ZNF581: variants seen among roughly 807,000 people sequenced by gnomAD.
The protein encoded by ZNF581 is zinc finger protein 581.
ZNF581 carries 1 observed loss-of-function variant against 1.2 expected under a neutral mutation model. The observed-to-expected ratio is 0.83, with a 90% CI of 0.30 to 3.95. The LOEUF (loss-of-function observed/expected upper bound fraction) is 3.95. Among genes scored for constraint, ZNF581 ranks in the 30% most tolerant of loss-of-function variants. The pLI is 0.18. For missense variants in ZNF581, 273 were observed against 274.6 expected (o/e 0.99, Z 0.04); for synonymous variants, 105 against 109.2 (o/e 0.96, Z 0.24).
upstream of ZNF581, chr19:55,643,183 T>TGC: frequency 8.4e-7 from 1 of 1,190,744 alleles, no homozygotes; most frequent in Non-Finnish European, 1.1e-6. Flanking sequence ...AGGAGCATCA[T>TGC]TCCTTCCTTA....
chr19:55,641,228 G>A, upstream of ZNF581: 1 of 971,906 alleles, frequency 1.0e-6, no homozygotes, highest in Non-Finnish European at 1.2e-6. Context: ...CTGGGACGAC[G>A]CCGGGGCCAG....
At chr19:55,641,326 C>G (rs930453285), upstream of ZNF581, 1 of 526,754 alleles carries the variant, frequency 1.9e-6, no homozygotes, top group Non-Finnish European at 2.4e-6. Context: ...GAGGGGAAGT[C>G]GAGGCGCCAG....
chr19:55,644,637 C>T lies in ZNF581; in HGVS notation c.66C>T (p.Gly22=). The T allele has an allele frequency of 1.9e-6, 3 of 1,610,106 alleles. No homozygotes were observed. Among genetic ancestry groups the T allele is most frequent in the Middle Eastern group, 1.7e-4 (1 of 6,056 alleles). ...LAFSSVETME[G]PPRRTCRSPE... The stretch of plus-strand genomic sequence containing the variant: ...TTTCCTCCGTTGAGACCATGGAGGG[C>T]CCTCCCCGTCGGACTTGCCGCTCCC... Residue 22 remains glycine (G), a synonymous_variant, in exon 2 of 2, where the codon GGC becomes GGT. Transcript: ENST00000270451. The surrounding 1 kb of genome is among the most constrained non-coding windows in gnomAD (Gnocchi z 4.3).
chr19:55,642,713 C>G, upstream of ZNF581: 1 of 1,499,152 alleles, frequency 6.7e-7, no homozygotes, highest in Non-Finnish European at 8.9e-7. Context: ...CACGGTGCAG[C>G]TGGAGGAGGA....
At chr19:55,635,988 T>G (rs928131502) in intron 1 of ZNF581, among the ~76,000 whole-genome samples, 12 of 152,048 alleles carry the variant, frequency 7.9e-5, no homozygotes, top group Middle Eastern at 3.2e-3. Context: ...AAATTCAAGG[T>G]CTGGCCAGGG....
At chr19:55,640,464 C>T, upstream of ZNF581, 1 of 985,488 alleles carries the variant, frequency 1.0e-6, no homozygotes, top group Non-Finnish European at 1.2e-6. Flanking sequence ...CACACCTCCC[C>T]ACCTGCGCAT....
At chr19:55,641,046 C>G, upstream of ZNF581, 1 of 985,154 alleles carries the variant, frequency 1.0e-6, no homozygotes, top group Non-Finnish European at 1.2e-6. Flanking sequence ...CCCCGCGCCC[C>G]CAGTCCCCGC....
upstream of ZNF581, among the ~76,000 whole-genome samples, chr19:55,637,932 G>A (rs889342719): frequency 6.6e-6 from 1 of 152,164 alleles, no homozygotes; most frequent in African/African-American, 2.4e-5. Context: ...ATTATTTCTG[G>A]GGATAGCAGT....
At chr19:55,641,903 G>A (rs751624433), upstream of ZNF581, 41 of 288,726 alleles carry the variant, frequency 1.4e-4, no homozygotes, top group Admixed American at 3.3e-4. Context: ...AATTGGGTTA[G>A]TGGGGCTCTG....
In ZNF581 at chr19:55,644,504, G is replaced by T; in HGVS notation, c.-19-49G>T. ...GGAAAAGGATGGAGCCTGTGGTGCT[G>T]AGCTGCCCTCTTCTATATAACCTTC... On this transcript the variant is annotated intron_variant, in intron 1 of 1. Coordinates refer to ENST00000270451, the MANE Select transcript of ZNF581 (RefSeq NM_016535.4). The surrounding 1 kb of genome is among the most constrained non-coding windows in gnomAD (Gnocchi z 4.3). 8.1e-7 allele frequency: 1 copy of T among 1,230,546 alleles called. No homozygotes were observed. Among genetic ancestry groups the T allele is most frequent in the Non-Finnish European group, 1.1e-6 (1 of 896,084 alleles). The allele number at this position is 1,230,546 out of a possible 1,614,324, so 76.2% of individuals were successfully genotyped here.
upstream of ZNF581, chr19:55,635,220 G>C (rs552960541): frequency 1.3e-5 from 2 of 152,496 alleles, no homozygotes; most frequent in Non-Finnish European, 2.9e-5. Flanking sequence ...GTGACCAGGG[G>C]ACGAGGTATA....
upstream of ZNF581, chr19:55,642,511 G>A (rs1183973341): frequency 7.0e-7 from 1 of 1,427,298 alleles, no homozygotes; most frequent in Non-Finnish European, 9.2e-7. Flanking sequence ...CGCTCCAGAT[G>A]CTGCTGCTGC....
At chr19:55,640,770 G>C, upstream of ZNF581, 1 of 985,504 alleles carries the variant, frequency 1.0e-6, no homozygotes, top group Non-Finnish European at 1.2e-6. Context: ...GTGGGCCTTA[G>C]GGCGAAGACG....
chr19:55,642,628 C>G (rs1417285202), upstream of ZNF581: 9 of 1,449,058 alleles, frequency 6.2e-6, no homozygotes, highest in African/African-American at 1.0e-4. Flanking sequence ...CCACTCCTTC[C>G]TCGGCGGCGG....
upstream of ZNF581, chr19:55,641,235 C>T (rs1444938058): frequency 5.1e-6 from 5 of 972,820 alleles, no homozygotes; most frequent in East Asian, 3.4e-4. Context: ...GACGCCGGGG[C>T]CAGGCAGGCT....
chr19:55,637,400 GGT>G (rs1407818504), upstream of ZNF581, among the ~76,000 whole-genome samples: 3 of 152,146 alleles, frequency 2.0e-5, no homozygotes, highest in Non-Finnish European at 2.9e-5. Flanking sequence ...AGCCGGCCAT[GGT>G]GGTGCGCGCC....
upstream of ZNF581, among the ~76,000 whole-genome samples, chr19:55,638,712 G>C (rs916914113): frequency 6.6e-6 from 1 of 152,208 alleles, no homozygotes; most frequent in East Asian, 1.9e-4. Context: ...GAGGAGGCCA[G>C]GTGTGGTGGC....
upstream of ZNF581, chr19:55,640,085 C>A (rs912208649): frequency 2.0e-6 from 2 of 977,576 alleles, no homozygotes; most frequent in African/African-American, 3.5e-5. Flanking sequence ...GGTCTTGGGG[C>A]TCGCTGTGAC....
At chr19:55,640,006 C>T (rs995738797), upstream of ZNF581, 1 of 431,306 alleles carries the variant, frequency 2.3e-6, no homozygotes, top group Non-Finnish European at 3.1e-6. Context: ...TAGTGACTGT[C>T]ATAGAACTTT....
Sources: gnomAD v4.1 joint callset for allele counts (sites outside exome capture counted in the v4.1 genomes callset) on GRCh38, gnomAD v4.1.1 for gene constraint, Gnocchi (gnomAD v3.1) non-coding constraint, MANE v1.5 for transcripts, NCBI Gene and HGNC (gene_info 2026-07-23, HGNC 2026-07-21) for gene names.